The following TUSC3 variants were observed in gnomAD, a reference collection of about 807,000 sequenced individuals.
TUSC3 encodes tumor suppressor candidate 3.
Under a neutral mutation model 44.8 loss-of-function variants are expected in TUSC3, and 45 were observed. The observed-to-expected ratio is 1.00, with a 90% CI of 0.79 to 1.29. The LOEUF is 1.29. Among genes scored for constraint, TUSC3 ranks in the 50% most tolerant of loss-of-function variants. TUSC3 has a pLI of 0.00. For missense variants in TUSC3, 519 were observed against 437.9 expected (o/e 1.19, Z -1.65); for synonymous variants, 212 against 152.9 (o/e 1.39, Z -2.85).
At chr8:15,796,361 G>T in the TUSC3 span, among the ~76,000 whole-genome samples, 93 of 152,234 alleles carry the variant, frequency 6.1e-4, no homozygotes, top group East Asian at 0.013. Context: ...GAGGACATAT[G>T]GAATCTGTCA....
chr8:15,815,171 A>G, the TUSC3 span, among the ~76,000 whole-genome samples: 1 of 152,220 alleles, frequency 6.6e-6, no homozygotes, highest in African/African-American at 2.4e-5. Context: ...TAAAAATGTT[A>G]GAAGGCAAGT....
chr8:15,588,022 G>C (rs1434043384), intron 1 of TUSC3, among the ~76,000 whole-genome samples: 2 of 151,996 alleles, frequency 1.3e-5, no homozygotes, highest in Non-Finnish European at 2.9e-5. Context: ...AGTAAACATG[G>C]GGCTGCAGGT....
the TUSC3 span, among the ~76,000 whole-genome samples, chr8:15,810,724 A>T: frequency 6.6e-6 from 1 of 152,170 alleles, no homozygotes; most frequent in Non-Finnish European, 1.5e-5. Context: ...CGGCTGCCAC[A>T]TGGCCAGCAG....
At chr8:15,816,638 C>T in the TUSC3 span, among the ~76,000 whole-genome samples, 1 of 152,158 alleles carries the variant, frequency 6.6e-6, no homozygotes, top group African/African-American at 2.4e-5. Flanking sequence ...TCATTCATTA[C>T]AAGCTTTTAG....
At chr8:15,724,753 A>G (rs1810435835) in intron 6 of TUSC3, among the ~76,000 whole-genome samples, 1 of 152,158 alleles carries the variant, frequency 6.6e-6, no homozygotes, top group Non-Finnish European at 1.5e-5. Flanking sequence ...GTACTTTTTC[A>G]TGATGTTTTC....
the TUSC3 span, among the ~76,000 whole-genome samples, chr8:15,797,011 T>A: frequency 7.2e-5 from 11 of 152,326 alleles, 1 homozygote; most frequent in South Asian, 1.9e-3. Context: ...ACCGTTCCCA[T>A]TGGGGTCAGG....
intron 6 of TUSC3, among the ~76,000 whole-genome samples, chr8:15,706,973 A>G (rs1354559234): frequency 6.6e-6 from 1 of 151,962 alleles, no homozygotes; most frequent in African/African-American, 2.4e-5. Context: ...TTGATCATTG[A>G]ATCATATTAT....
At chr8:15,764,151 T>A (rs1006427576) in intron 10 of TUSC3, 52 bp from the exon 11 acceptor site, 38 of 1,463,714 alleles carry the variant, frequency 2.6e-5, no homozygotes, top group Admixed American at 8.6e-5. Flanking sequence ...AAACATATTG[T>A]ATTTTCCTTA....
At chr8:15,841,777 G>C in the TUSC3 span, among the ~76,000 whole-genome samples, 1 of 152,270 alleles carries the variant, frequency 6.6e-6, no homozygotes, top group East Asian at 1.9e-4. Flanking sequence ...GCCTCCCAAA[G>C]TGCTGCGATT....
chr8:15,558,276 T>G (rs199781090), intron 1 of TUSC3, among the ~76,000 whole-genome samples: 14,979 of 30,198 alleles, frequency 0.5, 5,472 homozygotes, highest in African/African-American at 0.69. Flanking sequence ...GTGGTTTTTG[T>G]CTTTGGCTCT....
the TUSC3 span, among the ~76,000 whole-genome samples, chr8:15,771,744 C>T: frequency 1.3e-5 from 2 of 151,982 alleles, no homozygotes; most frequent in East Asian, 1.9e-4. Context: ...ATGAGATACA[C>T]AAAAAGGAAT....
chr8:15,798,928 G>A, the TUSC3 span, among the ~76,000 whole-genome samples: 1 of 151,990 alleles, frequency 6.6e-6, no homozygotes, highest in Non-Finnish European at 1.5e-5. Context: ...AATTTCATTG[G>A]GTCAATATCT....
chr8:15,536,569 C>G (rs1313880228), upstream of TUSC3, among the ~76,000 whole-genome samples: 4 of 151,260 alleles, frequency 2.6e-5, no homozygotes, highest in African/African-American at 7.3e-5. Context: ...ATACTCCCAG[C>G]TACTCGGGAG....
At chr8:15,772,034 A>C in the TUSC3 span, among the ~76,000 whole-genome samples, 13 of 152,152 alleles carry the variant, frequency 8.5e-5, no homozygotes, top group African/African-American at 3.1e-4. Flanking sequence ...GCTTGCAGTG[A>C]GCCAGGATCG....
In TUSC3 at chr8:15,759,646, G is replaced by A. The variant is rs1317605695; in HGVS notation, c.*46+1791G>A. ...TTCATGTGACCTTTCTAGCATTTTA[G>A]TTGACAAGCCCCTCTTGGAAACTTC... On this transcript the variant is annotated intron_variant, in intron 10 of 10. Coordinates refer to ENST00000503731, the MANE Select transcript of TUSC3 (RefSeq NM_006765.4). Among the ~76,000 whole-genome samples, 6 of 152,076 alleles carry A rather than the reference G, an allele frequency of 3.9e-5. No homozygotes were observed. In the South Asian group the frequency reaches 1.2e-3, roughly 32 times the overall value.
chr8:15,422,818 T>G (rs1799754268), intron 1 of TUSC3, among the ~76,000 whole-genome samples: 1 of 152,066 alleles, frequency 6.6e-6, no homozygotes, highest in African/African-American at 2.4e-5. Context: ...AATTTTTGTA[T>G]TTTTTGTAGA....
chr8:15,658,168 T>G (rs1474217968), intron 3 of TUSC3, among the ~76,000 whole-genome samples: 2 of 152,196 alleles, frequency 1.3e-5, no homozygotes, highest in Non-Finnish European at 2.9e-5. Flanking sequence ...TCTTTAGCAG[T>G]AGTGTTTGAA....
intron 1 of TUSC3, among the ~76,000 whole-genome samples, chr8:15,462,728 C>G (rs1800361540): frequency 6.6e-6 from 1 of 152,008 alleles, no homozygotes. Context: ...TATCTGTTTT[C>G]CAGTCTGACA....
At chr8:15,437,297 G>T (rs1799961146) in intron 1 of TUSC3, among the ~76,000 whole-genome samples, 1 of 152,156 alleles carries the variant, frequency 6.6e-6, no homozygotes, top group Non-Finnish European at 1.5e-5. Flanking sequence ...AGCAAAAGGG[G>T]TTATAAACTT....
Sources: gnomAD v4.1 joint callset for allele counts (sites outside exome capture counted in the v4.1 genomes callset) on GRCh38, gnomAD v4.1.1 for gene constraint, MANE v1.5 for transcripts, NCBI Gene and HGNC (gene_info 2026-07-23, HGNC 2026-07-21) for gene names.